Variants in MCF2L2 observed in about 807,000 individuals in gnomAD.
MCF2L2 encodes probable guanine nucleotide exchange factor MCF2L2.
MCF2L2 carries 102 observed loss-of-function variants against 150.2 expected under a neutral mutation model. The observed-to-expected ratio is 0.68, with a 90% confidence interval of 0.58 to 0.80. MCF2L2 has a LOEUF of 0.80. Ranked by LOEUF, MCF2L2 falls within the 30% of genes least tolerant of loss-of-function variation. The pLI, the probability that MCF2L2 is intolerant of heterozygous loss-of-function variation, is 0.00. For synonymous variants in MCF2L2, 465 were observed against 491.3 expected (o/e 0.95, Z 0.71); for missense variants, 1,256 against 1,372.8 (o/e 0.91, Z 1.34).
intron 26 of MCF2L2, among the ~76,000 whole-genome samples, chr3:183,194,349 C>G (rs187240453): frequency 3.3e-5 from 5 of 152,102 alleles, no homozygotes; most frequent in Non-Finnish European, 7.3e-5. Context: ...GATTGTAAGT[C>G]GCAGTAATAG....
At chr3:183,316,332 TTTTTGTTTTG>T (rs138800644) in intron 7 of MCF2L2, among the ~76,000 whole-genome samples, 9,567 of 150,802 alleles carry the variant, frequency 0.063, 373 homozygotes, top group East Asian at 0.14. Flanking sequence ...TTTTGGTGTT[TTTTTGTTTTG>T]TTTTGTTTTG....
At chr3:183,254,811 G>T (rs1176574375) in intron 15 of MCF2L2, 1 of 152,258 alleles carries the variant, frequency 6.6e-6, no homozygotes, top group East Asian at 1.9e-4. Flanking sequence ...GGCAGGCGGG[G>T]AGACTGCAGC....
At position 183,409,629 on chromosome 3, in the gene MCF2L2, A is replaced by G. The variant is rs1715222771; in HGVS notation, c.76+18273T>C. ...GAGTGCGATGGTGAAATCTCAGCTC[A>G]CTGCAACCTCCACTTCCTGGGTTCA... is the stretch of plus-strand genomic sequence containing the variant. On this transcript the variant is annotated intron_variant, in intron 1 of 29. Transcript: ENST00000328913. 4.2e-5 allele frequency among the ~76,000 whole-genome samples: 6 copies of G among 144,220 alleles called. No homozygotes were observed. The Admixed American group carries it at 4.5e-4, about 11-fold the overall frequency. The allele number at this position is 144,220 out of a possible 152,430, so 94.6% of individuals were successfully genotyped here.
At chr3:183,229,614 T>G (rs1262693783) in intron 17 of MCF2L2, 52 bp downstream of exon 17, 4 of 832,658 alleles carry the variant, frequency 4.8e-6, no homozygotes, top group African/African-American at 3.5e-5. Context: ...CAGTCTCATT[T>G]CCACCCTTCT....
chr3:183,322,721 T>G (rs1177627004), intron 6 of MCF2L2, among the ~76,000 whole-genome samples: 1 of 152,272 alleles, frequency 6.6e-6, no homozygotes, highest in Non-Finnish European at 1.5e-5. Context: ...TGGGGTACAG[T>G]TGATCCTGTC....
At chr3:183,386,198 G>A (rs1713822185) in intron 2 of MCF2L2, among the ~76,000 whole-genome samples, 1 of 152,194 alleles carries the variant, frequency 6.6e-6, no homozygotes, top group Non-Finnish European at 1.5e-5. Flanking sequence ...GGTTGTGTTG[G>A]AATGTGAACC....
At chr3:183,393,080 C>T (rs1176981263) in intron 1 of MCF2L2, among the ~76,000 whole-genome samples, 1 of 152,154 alleles carries the variant, frequency 6.6e-6, no homozygotes, top group Admixed American at 6.5e-5. Context: ...GAACCATGAC[C>T]CACCAAGGCG....
rs866166915 is a variant in MCF2L2 at position 183,340,803 on chromosome 3, C to T, written c.366+737G>A. Among the ~76,000 whole-genome samples the T allele has an allele frequency of 3.3e-5, 5 of 152,034 alleles. 1 individual carries two copies. Among genetic ancestry groups the T allele is most frequent in the African/African-American group, 7.3e-5 (3 of 41,372 alleles). ...ACTAAAAATACACAAATTAGCCAAGCGTGGTGGTGCACGCCTGCAATCTCA... is the reference window on the plus strand; with the variant it reads ...ACTAAAAATACACAAATTAGCCAAGTGTGGTGGTGCACGCCTGCAATCTCA... On this transcript the variant is annotated intron_variant, in intron 4 of 29. Coordinates refer to ENST00000328913, the MANE Select transcript of MCF2L2 (RefSeq NM_015078.4).
At chr3:183,420,089 A>G (rs1715799913) in intron 1 of MCF2L2, among the ~76,000 whole-genome samples, 1 of 152,178 alleles carries the variant, frequency 6.6e-6, no homozygotes, top group South Asian at 2.1e-4. Flanking sequence ...TTCATTGTGC[A>G]TATCATTATC....
intron 3 of MCF2L2, among the ~76,000 whole-genome samples, chr3:183,369,255 C>A (rs1712716076): frequency 6.6e-6 from 1 of 152,118 alleles, no homozygotes. Flanking sequence ...GGCTTTCTTC[C>A]CTAAGGCTTT....
intron 27 of MCF2L2, among the ~76,000 whole-genome samples, chr3:183,192,253 C>T (rs1175412393): frequency 6.6e-6 from 1 of 152,122 alleles, no homozygotes; most frequent in Non-Finnish European, 1.5e-5. Context: ...AATTCTCTGC[C>T]TCAAACTCCG....
chr3:183,218,986 G>T (rs191743515), intron 21 of MCF2L2, among the ~76,000 whole-genome samples: 1 of 152,286 alleles, frequency 6.6e-6, no homozygotes, highest in African/African-American at 2.4e-5. Flanking sequence ...CATAAGACAT[G>T]TCTCAAGTGT....
chr3:183,252,368 C>T (rs963259434), intron 15 of MCF2L2, among the ~76,000 whole-genome samples: 4 of 152,132 alleles, frequency 2.6e-5, no homozygotes, highest in African/African-American at 9.7e-5. Flanking sequence ...ACATGCAGTG[C>T]CACAGTCTGG....
intron 25 of MCF2L2, 106 bp from the exon 26 acceptor site, chr3:183,195,361 T>TA: frequency 2.8e-6 from 2 of 724,464 alleles, no homozygotes; most frequent in Non-Finnish European, 4.7e-6. Context: ...GAGAATACTA[T>TA]AAAAATATAT....
chr3:183,302,289 T>G (rs1218621888), intron 10 of MCF2L2, among the ~76,000 whole-genome samples: 1 of 152,212 alleles, frequency 6.6e-6, no homozygotes, highest in African/African-American at 2.4e-5. Flanking sequence ...TACAGCTACA[T>G]GCAGAATCCT....
chr3:183,386,531 C>T (rs1043757826), intron 2 of MCF2L2, among the ~76,000 whole-genome samples: 1 of 152,232 alleles, frequency 6.6e-6, no homozygotes, highest in African/African-American at 2.4e-5. Flanking sequence ...GCTAGGGCTG[C>T]ATTGAGGGAA....
At chr3:183,275,161 A>G (rs1727089825) in intron 15 of MCF2L2, among the ~76,000 whole-genome samples, 1 of 152,092 alleles carries the variant, frequency 6.6e-6, no homozygotes, top group Non-Finnish European at 1.5e-5. Flanking sequence ...TTAGTCACAT[A>G]TATTATCGTA....
chr3:183,216,043 C>G lies in MCF2L2; in HGVS notation c.2422G>C (p.Ala808Pro). Residue 808 changes from alanine (A) to proline (P), a missense_variant, in exon 22 of 30, where the codon GCT (alanine) becomes CCT (proline). Coordinates refer to ENST00000328913, the MANE Select transcript of MCF2L2 (RefSeq NM_015078.4). Reference protein sequence around the residue: ...DSAFSTELQQALAVIEDLIKS... With the variant: ...DSAFSTELQQPLAVIEDLIKS... Reference sequence around the variant, plus strand: ...ATCAAATCCTCTATCACTGCCAAAGCTTGTTGTAGTTCAGTTGAGAATGCT... The same window carrying G: ...ATCAAATCCTCTATCACTGCCAAAGGTTGTTGTAGTTCAGTTGAGAATGCT... 6.2e-7 allele frequency: 1 copy of G among 1,614,040 alleles called. No individual in the cohort carries two copies. The highest frequency in any genetic ancestry group is 1.3e-5 in the African/African-American group (1 of 75,044).
intron 3 of MCF2L2, among the ~76,000 whole-genome samples, chr3:183,345,630 A>G (rs908172805): frequency 2.6e-5 from 4 of 152,212 alleles, no homozygotes; most frequent in African/African-American, 9.7e-5. Context: ...TGAATCCAGG[A>G]GCTGGTTTTG....
Sources: gnomAD v4.1 joint callset for allele counts (sites outside exome capture counted in the v4.1 genomes callset) on GRCh38, gnomAD v4.1.1 for gene constraint, MANE v1.5 for transcripts, NCBI Gene and HGNC (gene_info 2026-07-23, HGNC 2026-07-21) for gene names.